Variants in NOX4 observed in about 807,000 individuals in gnomAD.
NOX4 encodes the protein kidney oxidase-1.
A neutral mutation model predicts 87.6 loss-of-function variants in NOX4; 69 were observed. That is an observed-to-expected ratio of 0.79 (90% confidence interval 0.65 to 0.96). The LOEUF (loss-of-function observed/expected upper bound fraction) is 0.96, where lower values mean the gene tolerates loss of function less well. Ranked by LOEUF, NOX4 falls within the 40% of genes least tolerant of loss-of-function variation. The pLI, the probability that NOX4 is intolerant of heterozygous loss-of-function variation, is 0.00. For missense variants in NOX4, 680 were observed against 681.5 expected (o/e 1.00, Z 0.02); for synonymous variants, 275 against 238.2 (o/e 1.15, Z -1.42).
At chr11:89,565,486 T>C in the NOX4 span, among the ~76,000 whole-genome samples, 1 of 152,126 alleles carries the variant, frequency 6.6e-6, no homozygotes, top group Non-Finnish European at 1.5e-5. Flanking sequence ...TTTTTTCCTC[T>C]TGCCTTCCTG....
At chr11:89,417,189 G>A (rs748106450) in intron 8 of NOX4, among the ~76,000 whole-genome samples, 8 of 152,082 alleles carry the variant, frequency 5.3e-5, no homozygotes, top group Non-Finnish European at 8.8e-5. Flanking sequence ...ACATTTCTTC[G>A]AAAGGAGCTG....
upstream of NOX4, among the ~76,000 whole-genome samples, chr11:89,492,690 G>T (rs563201433): frequency 2.0e-5 from 3 of 152,196 alleles, no homozygotes; most frequent in South Asian, 2.1e-4. Flanking sequence ...ATAATACTAT[G>T]TTCTTTCTGA....
the NOX4 span, among the ~76,000 whole-genome samples, chr11:89,505,884 A>T: frequency 6.6e-6 from 1 of 151,954 alleles, no homozygotes; most frequent in Admixed American, 6.6e-5. Flanking sequence ...AATATGTAAA[A>T]CAATGGCTTT....
At chr11:89,407,903 GGTAT>G (rs1942273812) in intron 8 of NOX4, among the ~76,000 whole-genome samples, 1 of 151,444 alleles carries the variant, frequency 6.6e-6, no homozygotes, top group Admixed American at 6.6e-5. Context: ...TTATATTTGT[GGTAT>G]TTTAATCTAT....
intron 2 of NOX4, 137 bp downstream of exon 2, chr11:89,490,321 G>A (rs975622682): frequency 3.0e-5 from 19 of 633,772 alleles, no homozygotes; most frequent in Non-Finnish European, 4.8e-5. Flanking sequence ...AGGAAAATGT[G>A]ACCACTTTAG....
At chr11:89,448,945 T>C (rs1460899136) in intron 4 of NOX4, among the ~76,000 whole-genome samples, 2 of 152,164 alleles carry the variant, frequency 1.3e-5, no homozygotes, top group Non-Finnish European at 2.9e-5. Flanking sequence ...CTTTCAGAGC[T>C]TGAAAACTTT....
chr11:89,516,083 G>A, the NOX4 span, among the ~76,000 whole-genome samples: 2 of 151,464 alleles, frequency 1.3e-5, no homozygotes, highest in African/African-American at 2.4e-5. Flanking sequence ...CATCTCTAAT[G>A]TTCTTTATTA....
intron 11 of NOX4, among the ~76,000 whole-genome samples, chr11:89,397,579 A>G (rs191110729): frequency 6.6e-6 from 1 of 152,288 alleles, no homozygotes; most frequent in Admixed American, 6.5e-5. Context: ...TAGCAAGAAT[A>G]ATGAAGAAAA....
At chr11:89,547,833 C>A in the NOX4 span, among the ~76,000 whole-genome samples, 1 of 151,950 alleles carries the variant, frequency 6.6e-6, no homozygotes, top group Non-Finnish European at 1.5e-5. Context: ...GCGCTGGGAA[C>A]GTATAGCTAT....
At chr11:89,361,610 A>G (rs1221722034) in intron 12 of NOX4, among the ~76,000 whole-genome samples, 1 of 152,092 alleles carries the variant, frequency 6.6e-6, no homozygotes, top group Non-Finnish European at 1.5e-5. Flanking sequence ...TATTGAAACA[A>G]AACAAAACAA....
At position 89,497,429 on chromosome 11, in the gene NOX4, A is replaced by G. The variant is rs369827832; in HGVS notation, c.-115+568T>C. ...ATAGTCTCACTCACTTTCTGAATAT[A>G]TTAAGAAAATCTTAAACTCAAACTA... On this transcript the variant is annotated intron_variant, in intron 1 of 18. Coordinates refer to the NOX4 transcript ENST00000527956. 2.3e-4 allele frequency among the ~76,000 whole-genome samples: 35 copies of G among 152,274 alleles called. No individual in the cohort carries two copies. In the East Asian group the frequency reaches 5.6e-3, roughly 24 times the overall value.
intron 8 of NOX4, among the ~76,000 whole-genome samples, chr11:89,403,809 T>C (rs1942016037): frequency 6.6e-6 from 1 of 152,172 alleles, no homozygotes; most frequent in Non-Finnish European, 1.5e-5. Context: ...AACTGTATAA[T>C]GATACTAAGA....
chr11:89,484,731 T>C (rs887009728), intron 2 of NOX4, among the ~76,000 whole-genome samples: 3 of 152,130 alleles, frequency 2.0e-5, no homozygotes, highest in Admixed American at 2.0e-4. Context: ...AGATAAAGAA[T>C]ATAATTTCAT....
At chr11:89,428,048 G>A (rs1943546332) in intron 7 of NOX4, among the ~76,000 whole-genome samples, 1 of 152,192 alleles carries the variant, frequency 6.6e-6, no homozygotes, top group African/African-American at 2.4e-5. Flanking sequence ...AGCCAGAAGA[G>A]AGTGAGGGCC....
At chr11:89,517,190 T>C in the NOX4 span, among the ~76,000 whole-genome samples, 1 of 152,098 alleles carries the variant, frequency 6.6e-6, no homozygotes, top group African/African-American at 2.4e-5. Flanking sequence ...GTCAGACATA[T>C]TTAAAAATGT....
chr11:89,554,953 G>T, the NOX4 span, among the ~76,000 whole-genome samples: 1 of 152,066 alleles, frequency 6.6e-6, no homozygotes, highest in African/African-American at 2.4e-5. Flanking sequence ...ATAATTTGAT[G>T]AGAAATACTA....
the NOX4 span, among the ~76,000 whole-genome samples, chr11:89,549,060 T>G: frequency 6.6e-6 from 1 of 152,226 alleles, no homozygotes; most frequent in Non-Finnish European, 1.5e-5. Flanking sequence ...AAACTTTAAT[T>G]AACTATTTTA....
chr11:89,337,628 T>A, intron 15 of NOX4, 113 bp from the exon 16 acceptor site: 2 of 1,411,126 alleles, frequency 1.4e-6, no homozygotes, highest in Non-Finnish European at 1.9e-6. Context: ...CTTATCATAG[T>A]CAATATCTAT....
the NOX4 span, among the ~76,000 whole-genome samples, chr11:89,525,872 C>A: frequency 5.3e-5 from 8 of 151,956 alleles, no homozygotes; most frequent in Non-Finnish European, 1.2e-4. Flanking sequence ...TAATCTATTC[C>A]AATTTAATAT....
Sources: allele counts gnomAD v4.1 joint callset (sites outside exome capture counted in the v4.1 genomes callset), GRCh38; gene constraint gnomAD v4.1.1; transcripts MANE v1.5; gene names NCBI Gene and HGNC (gene_info 2026-07-23, HGNC 2026-07-21).